Variants in FAR2 observed in about 807,000 individuals in gnomAD.
FAR2 encodes epididymis secretory protein Li 81.
A neutral mutation model predicts 56.0 loss-of-function variants in FAR2; 19 were observed. That is an observed-to-expected ratio of 0.34 (90% CI 0.24 to 0.50). FAR2 has a LOEUF of 0.50. Ranked by LOEUF, FAR2 falls within the 20% of genes least tolerant of loss-of-function variation. FAR2 has a pLI of 0.98. For missense variants in FAR2, 508 were observed against 642.2 expected, an observed-to-expected ratio of 0.79 and a Z score of 2.26; for synonymous variants, 219 against 218.8, an observed-to-expected ratio of 1.00 and a Z score of -0.01.
chr12:29,319,392 T>G (rs886854189), intron 9 of FAR2, among the ~76,000 whole-genome samples: 1 of 152,210 alleles, frequency 6.6e-6, no homozygotes, highest in Non-Finnish European at 1.5e-5. Flanking sequence ...GACATCTTTT[T>G]GTTTTTTTGA....
rs180812699 is a variant in FAR2, at chr12:29,157,952, A to G, written c.-39+8545A>G. ...GTAACAAGTCAGTGTTTGTGCATGT[A>G]TTAAAGATTTTTGCTTATTATTTTC... On this transcript the variant is annotated intron_variant, in intron 1 of 11. Coordinates refer to ENST00000536681, the MANE Select transcript of FAR2 (RefSeq NM_001271783.2). Among the ~76,000 whole-genome samples, 506 of 152,364 alleles carry G rather than the reference A, an allele frequency of 3.3e-3. 2 individuals carry two copies. The highest frequency in any genetic ancestry group is 5.9e-3 in the Non-Finnish European group (399 of 68,030).
At chr12:29,287,902 C>T (rs1948902585) in intron 2 of FAR2, among the ~76,000 whole-genome samples, 1 of 152,052 alleles carries the variant, frequency 6.6e-6, no homozygotes, top group Non-Finnish European at 1.5e-5. Context: ...TGTAATGCCC[C>T]CACCCCAATT....
intron 1 of FAR2, among the ~76,000 whole-genome samples, chr12:29,184,014 C>T (rs1331952595): frequency 3.3e-5 from 5 of 152,080 alleles, no homozygotes; most frequent in African/African-American, 1.2e-4. Context: ...GGCTGTGTAC[C>T]ATTGTGAATT....
chr12:29,291,316 C>A, intron 2 of FAR2: 1 of 448,100 alleles, frequency 2.2e-6, no homozygotes. Flanking sequence ...TTAAGAAATA[C>A]AATTTCCTAG....
At chr12:29,194,080 C>A (rs1950124420) in intron 1 of FAR2, among the ~76,000 whole-genome samples, 1 of 152,174 alleles carries the variant, frequency 6.6e-6, no homozygotes, top group African/African-American at 2.4e-5. Flanking sequence ...CGTAGGTTAA[C>A]CATTGACCCC....
chr12:29,151,185 T>C (rs1677931889), intron 1 of FAR2, among the ~76,000 whole-genome samples: 2 of 152,192 alleles, frequency 1.3e-5, no homozygotes, highest in African/African-American at 4.8e-5. Context: ...CATGAAAACT[T>C]ACTTATTCAC....
At chr12:29,173,888 G>A (rs539210867) in intron 1 of FAR2, among the ~76,000 whole-genome samples, 5 of 152,238 alleles carry the variant, frequency 3.3e-5, no homozygotes, top group African/African-American at 1.2e-4. Flanking sequence ...GTTGGATTTA[G>A]TGGCCCTTAC....
intron 2 of FAR2, chr12:29,292,293 G>A (rs1948982417): frequency 6.6e-6 from 1 of 152,152 alleles, no homozygotes; most frequent in Non-Finnish European, 1.5e-5. Context: ...GTAGTCAGAA[G>A]TCTTCACAGG....
intron 1 of FAR2, among the ~76,000 whole-genome samples, chr12:29,186,935 C>T (rs1950049754): frequency 6.6e-6 from 1 of 152,066 alleles, no homozygotes; most frequent in Non-Finnish European, 1.5e-5. Flanking sequence ...ACTACAGGCG[C>T]CCGCCACCAC....
At chr12:29,169,803 A>T (rs539258304) in intron 1 of FAR2, among the ~76,000 whole-genome samples, 1 of 152,294 alleles carries the variant, frequency 6.6e-6, no homozygotes, top group African/African-American at 2.4e-5. Flanking sequence ...TAGTAGTAGG[A>T]TAATGTAGTA....
chr12:29,269,172 C>A (rs1433868562), intron 1 of FAR2, among the ~76,000 whole-genome samples: 2 of 152,068 alleles, frequency 1.3e-5, no homozygotes, highest in South Asian at 4.1e-4. Flanking sequence ...CTATTTCACC[C>A]CTAGAGTCTT....
In FAR2 at chr12:29,335,096, C is replaced by T. The variant is rs1394697681; in HGVS notation, c.*1302C>T. 1 of 152,088 alleles carries T rather than the reference C, an allele frequency of 6.6e-6. No homozygotes were observed. Among genetic ancestry groups the T allele is most frequent in the Non-Finnish European group, 1.5e-5 (1 of 68,018 alleles). 9.4% of individuals were successfully genotyped at this position (152,088 alleles called of 1,614,324 possible). On this transcript the variant is annotated 3_prime_UTR_variant, in exon 12 of 12. Transcript: ENST00000536681. ...CCTAAACAACTAAAATTAGTCACCG[C>T]ATAACTAGTTGAAAATGGCATAGGC... is the stretch of plus-strand genomic sequence containing the variant.
At chr12:29,269,642 A>G (rs1185926726) in intron 1 of FAR2, among the ~76,000 whole-genome samples, 2 of 152,244 alleles carry the variant, frequency 1.3e-5, no homozygotes, top group African/African-American at 4.8e-5. Flanking sequence ...AGACAGGCAT[A>G]ATAAATTATA....
intron 2 of FAR2, among the ~76,000 whole-genome samples, chr12:29,287,133 T>A (rs576712816): frequency 6.6e-6 from 1 of 152,174 alleles, no homozygotes; most frequent in Non-Finnish European, 1.5e-5. Context: ...CTAGAGACCA[T>A]GTTCAAAGAA....
At chr12:29,265,029 A>T (rs1048417604) in intron 1 of FAR2, among the ~76,000 whole-genome samples, 9 of 152,230 alleles carry the variant, frequency 5.9e-5, no homozygotes, top group African/African-American at 1.7e-4. Context: ...TGACAAGAAC[A>T]CACACAAAAA....
At chr12:29,276,804 G>C (rs2136717334) in intron 2 of FAR2, among the ~76,000 whole-genome samples, 1 of 151,298 alleles carries the variant, frequency 6.6e-6, no homozygotes, top group South Asian at 2.1e-4. Context: ...TTAAGTTATG[G>C]GGATGAGCTA....
At chr12:29,307,354 C>T (rs370663697) in intron 4 of FAR2, among the ~76,000 whole-genome samples, 15 of 152,164 alleles carry the variant, frequency 9.9e-5, no homozygotes, top group African/African-American at 2.7e-4. Context: ...TGCTATCATT[C>T]GTAATAAAGT....
At chr12:29,233,986 C>T (rs1433933726) in intron 1 of FAR2, among the ~76,000 whole-genome samples, 2 of 152,182 alleles carry the variant, frequency 1.3e-5, no homozygotes, top group Non-Finnish European at 2.9e-5. Context: ...TCTTATTTCA[C>T]TTAGTTCTTC....
chr12:29,246,979 A>G (rs1948138087), intron 1 of FAR2, among the ~76,000 whole-genome samples: 2 of 152,130 alleles, frequency 1.3e-5, no homozygotes, highest in East Asian at 3.9e-4. Context: ...TTATTTCATA[A>G]TTCATAATAT....
Sources: gnomAD v4.1 joint callset for allele counts (sites outside exome capture counted in the v4.1 genomes callset) on GRCh38, gnomAD v4.1.1 for gene constraint, MANE v1.5 for transcripts, NCBI Gene and HGNC (gene_info 2026-07-23, HGNC 2026-07-21) for gene names.